The following EBF3 variants were observed in gnomAD, a reference collection of about 807,000 sequenced individuals.
EBF3 encodes EBF transcription factor 3, also known as transcription factor COE3.
EBF3 carries 18 observed loss-of-function variants against 77.1 expected under a neutral mutation model. The observed-to-expected ratio is 0.23, with a 90% CI of 0.16 to 0.35. The LOEUF is 0.35. EBF3 is among the 10% of genes least tolerant of loss of function. The pLI is 1.00. For synonymous variants in EBF3, 350 were observed against 343.5 expected, an observed-to-expected ratio of 1.02 and a Z score of -0.21; for missense variants, 558 against 860.0, an observed-to-expected ratio of 0.65 and a Z score of 4.39.
Position 129,952,334 on chromosome 10 carries a change from C to T in EBF3, c.554+4924G>A, listed in dbSNP as rs1589947471. 6.6e-6 allele frequency among the ~76,000 whole-genome samples: 1 copy of T among 152,166 alleles called. No individual in the cohort carries two copies. Among genetic ancestry groups the T allele is most frequent in the Non-Finnish European group, 1.5e-5 (1 of 68,026 alleles). On this transcript the variant is annotated intron_variant, in intron 6 of 16. Coordinates refer to ENST00000440978, the MANE Select transcript of EBF3 (RefSeq NM_001375380.1). This position sits in a 1 kb window ranked among gnomAD's most constrained non-coding sequence, Gnocchi z 4.7. ...ATTTAAGAAGTTAATAAACAGTCTCCGTTTTGCAGGTTATCCAAATGCTAC... is the reference window on the plus strand; with the variant it reads ...ATTTAAGAAGTTAATAAACAGTCTCTGTTTTGCAGGTTATCCAAATGCTAC...
rs1398500133 is a variant in EBF3 at position 129,944,870 on chromosome 10, A to T, written c.554+12388T>A. ...TCTTCGAAAACACTATAGAATATGTACGAAAATGTCAGGAGAACTGGGCAT... is the reference window on the plus strand; with the variant it reads ...TCTTCGAAAACACTATAGAATATGTTCGAAAATGTCAGGAGAACTGGGCAT... On this transcript the variant is annotated intron_variant, in intron 6 of 16. Transcript: ENST00000440978. The surrounding 1 kb of genome is among the most constrained non-coding windows in gnomAD (Gnocchi z 5.1). Among the ~76,000 whole-genome samples, 2 of 151,830 alleles carry T rather than the reference A, an allele frequency of 1.3e-5. No individual in the cohort carries two copies. The highest frequency in any genetic ancestry group is 6.6e-5 in the Admixed American group (1 of 15,238).
At chr10:129,957,106 T>G (rs1316891344) in intron 6 of EBF3, 152 bp downstream of exon 6, 5 of 610,954 alleles carry the variant, frequency 8.2e-6, no homozygotes, top group Non-Finnish European at 1.4e-5. Flanking sequence ...AACCCACCTG[T>G]GCATGATAAC....
At chr10:129,844,691 G>A (rs909470698) in intron 11 of EBF3, among the ~76,000 whole-genome samples, 13 of 152,044 alleles carry the variant, frequency 8.6e-5, no homozygotes, top group Non-Finnish European at 1.6e-4. Context: ...TCCCGGATGG[G>A]TGGCTCTGAC....
intron 6 of EBF3, among the ~76,000 whole-genome samples, chr10:129,884,869 T>C (rs1480852261): frequency 6.6e-6 from 1 of 152,250 alleles, no homozygotes; most frequent in African/African-American, 2.4e-5. Context: ...AGCCCGTCTC[T>C]AGTGGACTCC....
At chr10:129,843,419 T>G in intron 11 of EBF3, 1 of 502,660 alleles carries the variant, frequency 2.0e-6, no homozygotes, top group Non-Finnish European at 3.6e-6. Flanking sequence ...AATAAAAGCG[T>G]TTTCTGTGGC....
intron 6 of EBF3, among the ~76,000 whole-genome samples, chr10:129,946,730 G>A (rs1011667229): frequency 2.0e-5 from 3 of 152,236 alleles, no homozygotes; most frequent in African/African-American, 7.2e-5. Context: ...ATTGTGGGGA[G>A]CAGGAAAGGG....
intron 6 of EBF3, among the ~76,000 whole-genome samples, chr10:129,888,632 G>C (rs899151013): frequency 6.6e-6 from 1 of 152,170 alleles, no homozygotes; most frequent in Admixed American, 6.5e-5. Context: ...GGTGGGAACC[G>C]AACACCAGAT....
rs1239915548 is a variant in EBF3, at chr10:129,841,050, C to CCCCA, written c.1373-19_1373-18insTGGG. The CCCCA allele has an allele frequency of 1.2e-6, 2 of 1,604,438 alleles. No homozygotes were observed. Among genetic ancestry groups the CCCCA allele is most frequent in the East Asian group, 2.2e-5 (1 of 44,790 alleles). ...GTAGCCGACTGTTGAAATCCCCCCC[C>CCCCA]CGGCCAAAAATAACATTATTATCAG... On this transcript the variant is annotated intron_variant, in intron 13 of 16. Transcript: ENST00000440978. This position sits in a 1 kb window ranked among gnomAD's most constrained non-coding sequence, Gnocchi z 4.6.
intron 6 of EBF3, among the ~76,000 whole-genome samples, chr10:129,937,860 G>A (rs1857467484): frequency 6.6e-6 from 1 of 152,142 alleles, no homozygotes; most frequent in Non-Finnish European, 1.5e-5. Flanking sequence ...GGAATTCCCG[G>A]GGAAACATTC....
intron 10 of EBF3, among the ~76,000 whole-genome samples, chr10:129,859,869 A>ATG (rs1330546269): frequency 6.6e-6 from 1 of 152,184 alleles, no homozygotes; most frequent in African/African-American, 2.4e-5. Context: ...AGAGAAACAG[A>ATG]GGCAGTGTTT....
intron 6 of EBF3, among the ~76,000 whole-genome samples, chr10:129,921,947 A>G (rs1856343022): frequency 6.6e-6 from 1 of 152,110 alleles, no homozygotes; most frequent in African/African-American, 2.4e-5. Flanking sequence ...CCTGTGTGTC[A>G]CATGCCATTG....
chr10:129,848,418 G>T lies in EBF3; in HGVS notation c.1102C>A (p.Pro368Thr). Residue 368 changes from proline (P) to threonine (T), a missense_variant, in exon 11 of 17, where the codon CCG (proline) becomes ACG (threonine). Coordinates refer to ENST00000440978, the MANE Select transcript of EBF3 (RefSeq NM_001375380.1). The surrounding 1 kb of genome is among the most constrained non-coding windows in gnomAD (Gnocchi z 4.4). ...TTGGGTAACCTTTCGGGATCACCCG[G>T]ATGTCTTGGGATCACTTTCTGCAAC... ...QRLQKVIPRHPGDPERLPKEV... is the reference protein window; with the variant it reads ...QRLQKVIPRHTGDPERLPKEV... 1 of 1,614,214 alleles carries T rather than the reference G, an allele frequency of 6.2e-7. No individual in the cohort carries two copies. The highest frequency in any genetic ancestry group is 1.1e-5 in the South Asian group (1 of 91,076).
At chr10:129,854,950 A>T (rs978744303) in intron 10 of EBF3, among the ~76,000 whole-genome samples, 7 of 152,126 alleles carry the variant, frequency 4.6e-5, no homozygotes, top group Non-Finnish European at 8.8e-5. Context: ...CCCTCCTCCT[A>T]CACCCAGAGG....
intron 6 of EBF3, among the ~76,000 whole-genome samples, chr10:129,942,464 C>T (rs886646062): frequency 6.6e-6 from 1 of 152,208 alleles, no homozygotes; most frequent in Non-Finnish European, 1.5e-5. Flanking sequence ...TGTTCACCTA[C>T]CCAGAGCACC....
chr10:129,854,344 T>C (rs1220194833), intron 10 of EBF3, among the ~76,000 whole-genome samples: 2 of 152,120 alleles, frequency 1.3e-5, no homozygotes, highest in Non-Finnish European at 1.5e-5. Flanking sequence ...GGCATGATGA[T>C]GAGAGGTAGC....
chr10:129,892,414 C>T (rs1854081536), intron 6 of EBF3, among the ~76,000 whole-genome samples: 1 of 152,228 alleles, frequency 6.6e-6, no homozygotes, highest in Non-Finnish European at 1.5e-5. Context: ...GTGCAATGAG[C>T]TGTTTGGCGA....
intron 11 of EBF3, among the ~76,000 whole-genome samples, chr10:129,844,521 G>A (rs1267732569): frequency 6.6e-6 from 1 of 152,142 alleles, no homozygotes; most frequent in Middle Eastern, 3.2e-3. Context: ...TTACATCTGA[G>A]AAGGCAACGA....
At position 129,848,288 on chromosome 10, in the gene EBF3, G is replaced by A; in HGVS notation, c.1128+104C>T. 3 of 1,213,190 alleles carry A rather than the reference G, an allele frequency of 2.5e-6. No individual in the cohort carries two copies. The highest frequency in any genetic ancestry group is 2.4e-5 in the South Asian group (2 of 81,948). 75.2% of individuals were successfully genotyped at this position (1,213,190 alleles called of 1,614,324 possible). ...GCCCTGTGGTGGGCACAGAGTTTGGGGAATCTGCAATCCCCCCTTCCCAGA... is the reference window on the plus strand; with the variant it reads ...GCCCTGTGGTGGGCACAGAGTTTGGAGAATCTGCAATCCCCCCTTCCCAGA... On this transcript the variant is annotated intron_variant, in intron 11 of 16. Coordinates refer to ENST00000440978, the MANE Select transcript of EBF3 (RefSeq NM_001375380.1). The surrounding 1 kb of genome is among the most constrained non-coding windows in gnomAD (Gnocchi z 4.4).
chr10:129,908,239 C>T (rs1399485505), intron 6 of EBF3, among the ~76,000 whole-genome samples: 3 of 152,176 alleles, frequency 2.0e-5, no homozygotes, highest in African/African-American at 7.2e-5. Context: ...TCTAAGCCCC[C>T]AAGAAATAGC....
Sources: gnomAD v4.1 joint callset for allele counts (sites outside exome capture counted in the v4.1 genomes callset) on GRCh38, gnomAD v4.1.1 for gene constraint, Gnocchi (gnomAD v3.1) non-coding constraint, MANE v1.5 for transcripts, NCBI Gene and HGNC (gene_info 2026-07-23, HGNC 2026-07-21) for gene names.